The following TMC7 variants were observed in gnomAD, a reference collection of about 807,000 sequenced individuals.
TMC7 encodes the protein transmembrane channel-like protein 7.
Under a neutral mutation model 82.9 loss-of-function variants are expected in TMC7, and 54 were observed. The observed-to-expected ratio is 0.65, with a 90% confidence interval of 0.52 to 0.82. The LOEUF is 0.82. TMC7 is among the 40% of genes least tolerant of loss of function. The pLI, the probability that TMC7 is intolerant of heterozygous loss-of-function variation, is 0.00. For synonymous variants in TMC7, 350 were observed against 337.9 expected, an observed-to-expected ratio of 1.04 and a Z score of -0.39; for missense variants, 820 against 901.2, an observed-to-expected ratio of 0.91 and a Z score of 1.15.
Position 19,000,698 on chromosome 16 carries a change from A to G in TMC7, c.68-8474A>G, listed in dbSNP as rs1481348387. On this transcript the variant is annotated intron_variant, in intron 1 of 15. Transcript: ENST00000304381. ...ATATATGGTCAACATCCCAGTCAATATTTTTTGCCAGCTTTTTTTACCCTG... is the reference window on the plus strand; with the variant it reads ...ATATATGGTCAACATCCCAGTCAATGTTTTTTGCCAGCTTTTTTTACCCTG... Among the ~76,000 whole-genome samples, 5 of 152,150 alleles carry G rather than the reference A, an allele frequency of 3.3e-5. No homozygotes were observed. In the East Asian group the frequency reaches 9.7e-4, roughly 29 times the overall value.
intron 12 of TMC7, among the ~76,000 whole-genome samples, chr16:19,051,218 A>T (rs1269363873): frequency 6.5e-4 from 83 of 128,532 alleles, no homozygotes; most frequent in Admixed American, 8.9e-4. Context: ...TTTTTTTTGG[A>T]TTTTTTTCTC....
At chr16:19,061,183 T>A (rs1028006795) in intron 15 of TMC7, among the ~76,000 whole-genome samples, 1 of 152,188 alleles carries the variant, frequency 6.6e-6, no homozygotes, top group Middle Eastern at 3.2e-3. Flanking sequence ...TTTTGTATTT[T>A]TAGTAGAGAC....
At chr16:19,047,326 C>T in intron 12 of TMC7, 77 bp downstream of exon 12, 1 of 1,250,668 alleles carries the variant, frequency 8.0e-7, no homozygotes, top group Non-Finnish European at 1.1e-6. Flanking sequence ...GTCTGGAGCT[C>T]ACCTCACATC....
At chr16:19,036,632 A>C (rs956573692) in intron 7 of TMC7, among the ~76,000 whole-genome samples, 2 of 149,320 alleles carry the variant, frequency 1.3e-5, no homozygotes, top group African/African-American at 4.9e-5. Flanking sequence ...AAGAGAATCA[A>C]TTGAACCAGG....
At chr16:19,020,341 A>G (rs1399842500) in intron 3 of TMC7, among the ~76,000 whole-genome samples, 1 of 152,208 alleles carries the variant, frequency 6.6e-6, no homozygotes, top group Non-Finnish European at 1.5e-5. Flanking sequence ...TAGCCAATGT[A>G]GTAGGATGGG....
chr16:19,015,554 C>T (rs913695017), intron 2 of TMC7, among the ~76,000 whole-genome samples: 55 of 151,728 alleles, frequency 3.6e-4, no homozygotes, highest in African/African-American at 1.1e-3. Flanking sequence ...AATGCTGCTA[C>T]GAACACTCAA....
chr16:18,994,064 C>G (rs2038996522), intron 1 of TMC7, among the ~76,000 whole-genome samples: 1 of 151,894 alleles, frequency 6.6e-6, no homozygotes, highest in Non-Finnish European at 1.5e-5. Flanking sequence ...TCATGGGGGT[C>G]AGGTGTGGTA....
At chr16:19,010,590 T>C (rs1312684589) in intron 2 of TMC7, among the ~76,000 whole-genome samples, 2 of 152,140 alleles carry the variant, frequency 1.3e-5, no homozygotes, top group Non-Finnish European at 2.9e-5. Context: ...AACCAAGCAG[T>C]ACAAAAAGAA....
At chr16:19,013,552 CTG>C (rs1437126719) in intron 2 of TMC7, among the ~76,000 whole-genome samples, 1 of 151,558 alleles carries the variant, frequency 6.6e-6, no homozygotes, top group East Asian at 1.9e-4. Flanking sequence ...GAATCTCACT[CTG>C]TCACCCAGGC....
Position 18,983,978 on chromosome 16 carries a change from T to A in TMC7, c.-86T>A. 7.7e-7 allele frequency: 1 copy of A among 1,299,456 alleles called. No individual in the cohort carries two copies. The highest frequency in any genetic ancestry group is 9.8e-7 in the Non-Finnish European group (1 of 1,016,374). 80.5% of individuals were successfully genotyped at this position (1,299,456 alleles called of 1,614,324 possible). A position where few individuals can be genotyped will look rare whatever the true frequency, so the allele number is the denominator to read the frequency against. The stretch of plus-strand genomic sequence containing the variant: ...CAGCGCCGGAACCTGGAATCCCGGC[T>A]CCGCGAGGGAAGGCCGGGGAGGCGG... On this transcript the variant is annotated 5_prime_UTR_variant, in exon 1 of 16. Coordinates refer to ENST00000304381, the MANE Select transcript of TMC7 (RefSeq NM_024847.4).
chr16:19,018,974 C>T (rs1253268736), intron 3 of TMC7, among the ~76,000 whole-genome samples: 3 of 152,166 alleles, frequency 2.0e-5, no homozygotes, highest in Non-Finnish European at 4.4e-5. Context: ...CTTCAGCCTC[C>T]CACGTAGCTG....
chr16:19,046,153 T>G (rs1422043600), intron 11 of TMC7, among the ~76,000 whole-genome samples: 1 of 152,212 alleles, frequency 6.6e-6, no homozygotes, highest in Non-Finnish European at 1.5e-5. Context: ...GATGACCTTC[T>G]GCCATCAGCA....
intron 1 of TMC7, among the ~76,000 whole-genome samples, chr16:18,998,273 A>C (rs774050527): frequency 6.6e-6 from 1 of 152,220 alleles, no homozygotes; most frequent in Non-Finnish European, 1.5e-5. Context: ...TAGGTGGGAA[A>C]ACCAAGGCAT....
intron 1 of TMC7, among the ~76,000 whole-genome samples, chr16:18,986,504 C>T (rs1451405145): frequency 2.6e-5 from 4 of 151,954 alleles, no homozygotes; most frequent in Non-Finnish European, 4.4e-5. Flanking sequence ...TACAGTGAGC[C>T]GAGGTTGCAC....
chr16:19,016,381 T>G, intron 2 of TMC7, 69 bp from the exon 3 acceptor site: 1 of 1,591,832 alleles, frequency 6.3e-7, no homozygotes, highest in South Asian at 1.1e-5. Context: ...TGAGCTACTG[T>G]GCCAGGCTGG....
rs117016173 is a variant in TMC7 at position 19,002,060 on chromosome 16, G to A, written c.68-7112G>A. Among the ~76,000 whole-genome samples, 1,279 of 152,120 alleles carry A rather than the reference G, an allele frequency of 8.4e-3. 37 individuals carry two copies. Among genetic ancestry groups the A allele is most frequent in the East Asian group, 0.055 (282 of 5,164 alleles). On this transcript the variant is annotated intron_variant, in intron 1 of 15. Coordinates refer to ENST00000304381, the MANE Select transcript of TMC7 (RefSeq NM_024847.4). ...GGGGGAAGCTGGTGGTGGTTTTAGTGCCATTTAGATCATACTTGGCTGGTG... is the reference window on the plus strand; with the variant it reads ...GGGGGAAGCTGGTGGTGGTTTTAGTACCATTTAGATCATACTTGGCTGGTG...
intron 3 of TMC7, 34 bp downstream of exon 3, chr16:19,016,632 G>C: frequency 1.2e-6 from 2 of 1,602,260 alleles, no homozygotes; most frequent in Non-Finnish European, 1.7e-6. Context: ...AGGCTCCTCC[G>C]CAGAAGTCTG....
At chr16:19,029,637 G>A (rs994732171) in intron 5 of TMC7, among the ~76,000 whole-genome samples, 2 of 151,204 alleles carry the variant, frequency 1.3e-5, no homozygotes, top group African/African-American at 4.9e-5. Flanking sequence ...GGCCTTCCAA[G>A]GTGCTGGGAT....
intron 7 of TMC7, among the ~76,000 whole-genome samples, chr16:19,036,051 G>A (rs1052195448): frequency 5.3e-5 from 8 of 152,152 alleles, no homozygotes. Context: ...TGGGAAGTGG[G>A]GTGGGGATGC....
Sources: allele counts gnomAD v4.1 joint callset (sites outside exome capture counted in the v4.1 genomes callset), GRCh38; gene constraint gnomAD v4.1.1; transcripts MANE v1.5; gene names NCBI Gene and HGNC (gene_info 2026-07-23, HGNC 2026-07-21).